The following XDH variants were observed in gnomAD, a reference collection of about 807,000 sequenced individuals.
XDH encodes the protein xanthine dehydrogenase/oxidase.
In XDH, 138 loss-of-function variants were observed where a neutral mutation model predicts 156.1. The observed-to-expected ratio is 0.88, with a 90% CI of 0.77 to 1.02. The LOEUF (loss-of-function observed/expected upper bound fraction) is 1.02. XDH is among the 50% of genes least tolerant of loss of function. XDH has a pLI of 0.00. For missense variants in XDH, 1,849 were observed against 1,684.9 expected, an observed-to-expected ratio of 1.10 and a Z score of -1.71; for synonymous variants, 669 against 625.7, an observed-to-expected ratio of 1.07 and a Z score of -1.03.
intron 15 of XDH, among the ~76,000 whole-genome samples, chr2:31,375,019 C>CTTTTTT (rs757150117): frequency 5.3e-4 from 54 of 101,212 alleles, no homozygotes; most frequent in Middle Eastern, 4.6e-3. Context: ...TTCTTTCTTT[C>CTTTTTT]TTTCTTTTTT....
chr2:31,346,191 C>T (rs1046047331), intron 30 of XDH, among the ~76,000 whole-genome samples: 12 of 152,298 alleles, frequency 7.9e-5, no homozygotes, highest in African/African-American at 2.9e-4. Flanking sequence ...CTGCAAGAGA[C>T]TCCCTTGCCC....
intron 6 of XDH, among the ~76,000 whole-genome samples, chr2:31,394,653 G>GC (rs1686855896): frequency 6.6e-6 from 1 of 151,876 alleles, no homozygotes; most frequent in African/African-American, 2.4e-5. Context: ...TTCTTTTACT[G>GC]CTGATATTCT....
chr2:31,372,657 A>C (rs150804294), intron 16 of XDH, among the ~76,000 whole-genome samples: 6 of 152,348 alleles, frequency 3.9e-5, no homozygotes, highest in Admixed American at 3.3e-4. Flanking sequence ...TAAATAAATT[A>C]TGCAGCCCCA....
At chr2:31,340,074 C>A (rs988238809) in intron 33 of XDH, among the ~76,000 whole-genome samples, 3 of 152,192 alleles carry the variant, frequency 2.0e-5, no homozygotes, top group Non-Finnish European at 2.9e-5. Context: ...GAACGCCCAC[C>A]CCTGCCTGTC....
At chr2:31,340,754 G>A (rs1328032744) in intron 33 of XDH, among the ~76,000 whole-genome samples, 1 of 152,164 alleles carries the variant, frequency 6.6e-6, no homozygotes, top group Non-Finnish European at 1.5e-5. Context: ...ACAGGTGTGA[G>A]CCACAGGTCC....
rs750910746 is a variant in XDH, at chr2:31,348,972, C to T, written c.2978G>A (p.Cys993Tyr). Residue 993 changes from cysteine to tyrosine, a missense_variant, in exon 27 of 36, where the codon TGT becomes TAT. Coordinates refer to ENST00000379416, the MANE Select transcript of XDH (RefSeq NM_000379.4). ...TATGCACAATCCTCTCTTTTTCCAA[C>T]AATTCTCCCTAGAGAAAAAGGAATA... is the stretch of plus-strand genomic sequence containing the variant. ...SEVDKFNKEN[C>Y]WKKRGLCIIP... is the part of the protein sequence containing the mutation. 1.2e-6 allele frequency: 2 copies of T among 1,613,232 alleles called. No individual in the cohort carries two copies. The highest frequency in any genetic ancestry group is 2.7e-5 in the African/African-American group (2 of 74,914).
intron 1 of XDH, among the ~76,000 whole-genome samples, chr2:31,413,355 C>A (rs1299717558): frequency 6.6e-6 from 1 of 152,084 alleles, no homozygotes; most frequent in Non-Finnish European, 1.5e-5. Flanking sequence ...AAAGCTTTGC[C>A]CTACTTCTTG....
intron 6 of XDH, 116 bp downstream of exon 6, chr2:31,397,552 G>A: frequency 7.9e-7 from 1 of 1,270,410 alleles, no homozygotes; most frequent in Non-Finnish European, 1.2e-6. Flanking sequence ...TCACTAACTG[G>A]TCATCTTATC....
chr2:31,347,492 C>T, intron 29 of XDH, 30 bp downstream of exon 29: 1 of 1,612,840 alleles, frequency 6.2e-7, no homozygotes, highest in East Asian at 2.2e-5. Context: ...GGCTGGCCCT[C>T]TGCTCTGCGG....
intron 6 of XDH, among the ~76,000 whole-genome samples, chr2:31,392,861 T>C (rs1686804813): frequency 6.6e-6 from 1 of 152,266 alleles, no homozygotes; most frequent in South Asian, 2.1e-4. Context: ...ATTTTAAAAT[T>C]TCCCTTGAGA....
At chr2:31,345,026 A>G (rs983630703) in intron 30 of XDH, among the ~76,000 whole-genome samples, 3 of 151,978 alleles carry the variant, frequency 2.0e-5, no homozygotes, top group African/African-American at 7.3e-5. Flanking sequence ...GCATGTCACT[A>G]CCCTACTCTA....
At chr2:31,352,800 C>T (rs56385520) in intron 24 of XDH, among the ~76,000 whole-genome samples, 25,219 of 151,864 alleles carry the variant, frequency 0.17, 2,204 homozygotes, top group East Asian at 0.28. Flanking sequence ...AGTTTCCTAA[C>T]TGAGCCAATT....
chr2:31,377,164 C>T lies in XDH; in HGVS notation c.1316G>A (p.Arg439Lys). The stretch of plus-strand genomic sequence containing the variant: ...TGTGGTTCCTGGCTTGAATAAAACT[C>T]TCATGCCACTGGTTACCTTGGCAAT... ...DDIAKVTSGM[R>K]VLFKPGTTEV... The change falls in exon 14 of 36, where the codon AGA becomes AAA. Residue 439 changes from arginine to lysine, a missense_variant. Coordinates refer to ENST00000379416, the MANE Select transcript of XDH (RefSeq NM_000379.4). 1 of 1,614,152 alleles carries T rather than the reference C, an allele frequency of 6.2e-7. No individual in the cohort carries two copies.
At chr2:31,355,290 A>G (rs1013920133) in intron 24 of XDH, among the ~76,000 whole-genome samples, 43 of 152,188 alleles carry the variant, frequency 2.8e-4, no homozygotes, top group Non-Finnish European at 4.3e-4. Context: ...AGGAAGTTCT[A>G]AACAGAAAGA....
intron 25 of XDH, 87 bp downstream of exon 25, chr2:31,349,945 C>G (rs987579890): frequency 6.2e-7 from 1 of 1,610,784 alleles, no homozygotes; most frequent in East Asian, 2.2e-5. Flanking sequence ...GTCATCTGCC[C>G]CCATGGGAGA....
intron 13 of XDH, among the ~76,000 whole-genome samples, chr2:31,378,037 GA>G (rs202146590): frequency 0.018 from 2,259 of 128,892 alleles, 87 homozygotes; most frequent in African/African-American, 0.064. Context: ...AAAAAAAAGA[GA>G]AGAAAGAGAA....
rs1227270148 is a variant in XDH, at chr2:31,377,074, G to C, written c.1406C>G (p.Thr469Ser). 1.9e-6 allele frequency: 3 copies of C among 1,614,020 alleles called. No homozygotes were observed. The highest frequency in any genetic ancestry group is 2.7e-5 in the African/African-American group (2 of 74,900). ...MANRTISALKTTQRQLSKLWK... is the reference protein window; with the variant it reads ...MANRTISALKSTQRQLSKLWK... ...TTACTTGGAAAGCTGCCTCTGAGTG[G>C]TCTTGAGGGCTGAGATGGTTCTGTT... Residue 469 changes from threonine (T) to serine (S), a missense_variant, in exon 14 of 36, where the codon ACC becomes AGC. Transcript: ENST00000379416.
intron 30 of XDH, among the ~76,000 whole-genome samples, chr2:31,345,790 C>T (rs1436486550): frequency 1.3e-5 from 2 of 151,994 alleles, no homozygotes; most frequent in Non-Finnish European, 2.9e-5. Context: ...TATCTGTTTC[C>T]CAGGCACACT....
At chr2:31,370,544 G>A in intron 17 of XDH, 66 bp from the exon 18 acceptor site, 1 of 1,599,956 alleles carries the variant, frequency 6.3e-7, no homozygotes, top group Admixed American at 1.7e-5. Flanking sequence ...TCACCTGGTT[G>A]GACAACCCTG....
Sources: allele counts gnomAD v4.1 joint callset (sites outside exome capture counted in the v4.1 genomes callset), GRCh38; gene constraint gnomAD v4.1.1; transcripts MANE v1.5; gene names NCBI Gene and HGNC (gene_info 2026-07-23, HGNC 2026-07-21).